The following FEZF1 variants were observed in gnomAD, a reference collection of about 807,000 sequenced individuals.
FEZF1 encodes FEZ family zinc finger 1, also known as fez family zinc finger protein 1.
Under a neutral mutation model 32.4 loss-of-function variants are expected in FEZF1, and 8 were observed. That is an observed-to-expected ratio of 0.25 (90% confidence interval 0.15 to 0.45). The LOEUF is 0.45. Among genes scored for constraint, FEZF1 ranks in the 20% least tolerant of loss-of-function variants. The pLI, the probability that FEZF1 is intolerant of heterozygous loss-of-function variation, is 1.00. For missense variants in FEZF1, 546 were observed against 622.3 expected (o/e 0.88, Z 1.31); for synonymous variants, 259 against 265.2 (o/e 0.98, Z 0.23).
intron 2 of FEZF1, 108 bp from the exon 3 acceptor site, chr7:122,303,039 GCAAA>G (rs2031102157): frequency 6.6e-7 from 1 of 1,524,678 alleles, no homozygotes; most frequent in Admixed American, 1.8e-5. Flanking sequence ...CAGAACAAAA[GCAAA>G]CAATACATGG....
In FEZF1 at chr7:122,303,472, GGGAAGGAA is replaced by G. The variant is rs1159831933; in HGVS notation, c.801+157_802-162del. Among the ~76,000 whole-genome samples, 7,304 of 81,804 alleles carry G rather than the reference GGGAAGGAA, an allele frequency of 0.089. 429 individuals carry two copies. The highest frequency in any genetic ancestry group is 0.13 in the African/African-American group (2,767 of 20,944). The allele number at this position is 81,804 out of a possible 152,430, so 53.7% of individuals were successfully genotyped here. A position where few individuals can be genotyped will look rare whatever the true frequency, so the allele number is the denominator to read the frequency against. Reference sequence around the variant, plus strand: ...GAGGAAGGAAAGGAGGAGCGAGGGAGGGAAGGAAGGAAGGAAGGAAGGAAGGAAGGAAG... The same window carrying G: ...GAGGAAGGAAAGGAGGAGCGAGGGAGGGAAGGAAGGAAGGAAGGAAGGAAG... On this transcript the variant is annotated intron_variant, in intron 1 of 3. Coordinates refer to ENST00000442488, the MANE Select transcript of FEZF1 (RefSeq NM_001024613.4).
In FEZF1 at chr7:122,304,124, G is replaced by T. The variant is rs955570570; in HGVS notation, c.314C>A (p.Ala105Glu). The T allele has an allele frequency of 2.5e-6, 4 of 1,596,430 alleles. No homozygotes were observed. In the Admixed American group the frequency reaches 5.2e-5, roughly 21 times the overall value. ...GGGAGCCGAGGGCACCGCCGCGGGC[G>T]CCGCCGGGGCCTCCAGACTGGCCTT... ...PRKASLEAPAAPAAVPSAPAF... is the reference protein window; with the variant it reads ...PRKASLEAPAEPAAVPSAPAF... The change falls in exon 1 of 4, where the codon GCG becomes GAG. Residue 105 changes from alanine to glutamate, a missense_variant. Ala to Glu is a moderately radical substitution (Grantham distance 107). Transcript: ENST00000442488.
intron 1 of FEZF1, chr7:122,309,805 G>A (rs2031376010): frequency 6.6e-6 from 1 of 152,134 alleles, no homozygotes; most frequent in Non-Finnish European, 1.5e-5. Context: ...ATGCTCTATT[G>A]CTCTACACTG....
At chr7:122,308,753 G>A (rs866275628), upstream of FEZF1, among the ~76,000 whole-genome samples, 11 of 151,500 alleles carry the variant, frequency 7.3e-5, no homozygotes, top group African/African-American at 2.4e-4. Flanking sequence ...CCTGTTCAAC[G>A]TCTCTGACCC....
rs1345050898 is a variant in FEZF1 at position 122,303,311 on chromosome 7, C to T, written c.802G>A (p.Val268Ile). 3 of 1,613,692 alleles carry T rather than the reference C, an allele frequency of 1.9e-6. No individual in the cohort carries two copies. The highest frequency in any genetic ancestry group is 2.5e-6 in the Non-Finnish European group (3 of 1,180,018). Reference protein sequence around the residue: ...KVFTCEVCGKVFNAHYNLTRH... With the variant: ...KVFTCEVCGKIFNAHYNLTRH... ...GTTAAGTTATAGTGCGCATTAAAGA[C>T]CTTAAAATTAAACACACGTAGAACA... The change falls in exon 2 of 4, where the codon GTC becomes ATC. Residue 268 changes from valine to isoleucine, a missense_variant and splice_region_variant. By Grantham distance (29) the Val-to-Ile change is conservative. Around this residue, in one of 3 missense-constraint regions of FEZF1, gnomAD observed 345 missense variants for 360.6 expected, o/e 0.96. Transcript: ENST00000442488.
Position 122,301,945 on chromosome 7 carries a change from C to T in FEZF1, c.*52G>A, listed in dbSNP as rs1038830409. 7.8e-6 allele frequency: 12 copies of T among 1,538,826 alleles called. No homozygotes were observed. The African/African-American group carries it at 1.5e-4, about 20-fold the overall frequency. On this transcript the variant is annotated 3_prime_UTR_variant, in exon 4 of 4. Transcript: ENST00000442488. ...ACTCGGACCAGGAGCTCTAGTCTGC[C>T]GCTGCCTCAGCGTGGGGGCACGGCT... is the stretch of plus-strand genomic sequence containing the variant.
Position 122,304,340 on chromosome 7 carries a change from A to G in FEZF1, c.98T>C (p.Ile33Thr), listed in dbSNP as rs1563043562. 1.2e-6 allele frequency: 2 copies of G among 1,612,982 alleles called. No homozygotes were observed. The highest frequency in any genetic ancestry group is 1.7e-6 in the Non-Finnish European group (2 of 1,179,332). The change falls in exon 1 of 4, where the codon ATT becomes ACT. Residue 33 changes from isoleucine to threonine, a missense_variant. Around this residue, in one of 3 missense-constraint regions of FEZF1, gnomAD observed 345 missense variants for 360.6 expected, o/e 0.96. Transcript: ENST00000442488. ...TGGGGTGCGCGCCATGATTCGTTCA[A>G]TGGAGAAAGCCAAGGGTTTGGACGT... The part of the protein sequence containing the change: ...MSTSKPLAFS[I>T]ERIMARTPEP...
At chr7:122,306,713 C>T (rs945911532), upstream of FEZF1, 1 of 152,072 alleles carries the variant, frequency 6.6e-6, no homozygotes, top group Non-Finnish European at 1.5e-5. Flanking sequence ...GGGAGTGAGT[C>T]TTATTGGAAG....
Position 122,302,475 on chromosome 7 carries a change from A to G in FEZF1, c.1070-120T>C, listed in dbSNP as rs2031079258. On this transcript the variant is annotated intron_variant, in intron 3 of 3. Transcript: ENST00000442488. The surrounding 1 kb of genome is among the most constrained non-coding windows in gnomAD (Gnocchi z 4.4). ...AAGAGCCGCCACAGGTCCCACAACA[A>G]GTGCAGGGCTACTATCTGTGCCTGC... 1 of 1,445,678 alleles carries G rather than the reference A, an allele frequency of 6.9e-7. No homozygotes were observed. The highest frequency in any genetic ancestry group is 1.4e-5 in the African/African-American group (1 of 69,926). The allele number at this position is 1,445,678 out of a possible 1,614,324, so 89.6% of individuals were successfully genotyped here.
At chr7:122,309,693 G>A (rs2031373182), upstream of FEZF1, 1 of 152,218 alleles carries the variant, frequency 6.6e-6, no homozygotes. Flanking sequence ...CCTTTACTGT[G>A]GAGCAACAGC....
At chr7:122,304,791 CTT>C (rs11440532), upstream of FEZF1, 14 of 175,714 alleles carry the variant, frequency 8.0e-5, no homozygotes, top group East Asian at 3.1e-4. Context: ...AACAGGAAAA[CTT>C]TTTTTTTTTT....
At chr7:122,305,862 A>C (rs1448161544), upstream of FEZF1, 1 of 152,188 alleles carries the variant, frequency 6.6e-6, no homozygotes, top group Non-Finnish European at 1.5e-5. Context: ...CGTAGAGACC[A>C]TTTCCCCTGC....
chr7:122,303,129 C>T, intron 2 of FEZF1, 48 bp downstream of exon 2: 1 of 1,611,858 alleles, frequency 6.2e-7, no homozygotes. Context: ...TGTTTTTCTG[C>T]AAACAGTTCG....
In FEZF1 at chr7:122,304,409, G is replaced by T. The variant is rs780207372; in HGVS notation, c.29C>A (p.Thr10Asn). 2 of 1,576,334 alleles carry T rather than the reference G, an allele frequency of 1.3e-6. No homozygotes were observed. Among genetic ancestry groups the T allele is most frequent in the South Asian group, 2.3e-5 (2 of 87,962 alleles). Reference protein sequence around the residue: MDSSCHNATTKMLATAPARG... With the variant: MDSSCHNATNKMLATAPARG... Reference sequence around the variant, plus strand: ...AGCTGGAGCAGTCGCTAACATTTTGGTAGTCGCGTTGTGGCAGCTACTGTC... The same window carrying T: ...AGCTGGAGCAGTCGCTAACATTTTGTTAGTCGCGTTGTGGCAGCTACTGTC... Residue 10 changes from threonine (T) to asparagine (N), a missense_variant, in exon 1 of 4, where the codon ACC (threonine) becomes AAC (asparagine). Coordinates refer to ENST00000442488, the MANE Select transcript of FEZF1 (RefSeq NM_001024613.4).
chr7:122,303,079 T>C, intron 2 of FEZF1, 98 bp downstream of exon 2: 1 of 1,574,684 alleles, frequency 6.4e-7, no homozygotes, highest in East Asian at 2.2e-5. Flanking sequence ...GCTAGCACTT[T>C]TTAAATGAAC....
chr7:122,303,038 A>C (rs143693899), intron 2 of FEZF1, 107 bp from the exon 3 acceptor site: 1 of 1,524,764 alleles, frequency 6.6e-7, no homozygotes, highest in Non-Finnish European at 8.9e-7. Flanking sequence ...GCAGAACAAA[A>C]GCAAACAATA....
rs1398984263 is a variant in FEZF1 at position 122,304,097 on chromosome 7, G to A, written c.341C>T (p.Ala114Val). Residue 114 changes from alanine to valine, a missense_variant, in exon 1 of 4, where the codon GCA becomes GTA. Physicochemically the swap from Ala to Val is moderately conservative, Grantham distance 64. This residue lies in a region of FEZF1 where 345 missense variants were observed against 360.6 expected (regional missense o/e 0.96). Transcript: ENST00000442488. ...GTTGAGCAGGTCGCTGCAGCTGAAT[G>A]CGGGAGCCGAGGGCACCGCCGCGGG... is the stretch of plus-strand genomic sequence containing the variant. ...AAPAAVPSAPAFSCSDLLNCA... is the reference protein window; with the variant it reads ...AAPAAVPSAPVFSCSDLLNCA... 6.3e-7 allele frequency: 1 copy of A among 1,577,508 alleles called. No individual in the cohort carries two copies. The highest frequency in any genetic ancestry group is 1.3e-5 in the African/African-American group (1 of 74,092).
At chr7:122,305,048 T>C (rs1407559834), upstream of FEZF1, 1 of 152,100 alleles carries the variant, frequency 6.6e-6, no homozygotes, top group East Asian at 1.9e-4. Context: ...CGTTTAGCTC[T>C]AAGTGACATC....
At chr7:122,310,502 A>C (rs2150622220) in exon 1 of FEZF1, 1 of 152,386 alleles carries the variant, frequency 6.6e-6, no homozygotes, top group East Asian at 1.9e-4. Flanking sequence ...GGCAAGGCCG[A>C]GGGCCACCGA....
Sources: allele counts gnomAD v4.1 joint callset (sites outside exome capture counted in the v4.1 genomes callset), GRCh38; gene constraint gnomAD v4.1.1; regional missense constraint gnomAD v4.1.1; non-coding constraint Gnocchi (gnomAD v3.1); transcripts MANE v1.5; gene names NCBI Gene and HGNC (gene_info 2026-07-23, HGNC 2026-07-21).